The following PIK3C2G variants were observed in gnomAD, a reference collection of about 807,000 sequenced individuals.
PIK3C2G encodes phosphatidylinositol 3-kinase C2 domain-containing subunit gamma.
A neutral mutation model predicts 181.1 loss-of-function variants in PIK3C2G; 168 were observed. The observed-to-expected ratio is 0.93, with a 90% CI of 0.82 to 1.05. The LOEUF (loss-of-function observed/expected upper bound fraction) is 1.05, where lower values mean the gene tolerates loss of function less well. PIK3C2G is among the 50% of genes least tolerant of loss of function. The pLI, the probability that PIK3C2G is intolerant of heterozygous loss-of-function variation, is 0.00. For synonymous variants in PIK3C2G, 573 were observed against 592.2 expected, an observed-to-expected ratio of 0.97 and a Z score of 0.47; for missense variants, 1,869 against 1,732.8, an observed-to-expected ratio of 1.08 and a Z score of -1.40.
At chr12:18,700,920 G>T in the PIK3C2G span, among the ~76,000 whole-genome samples, 2 of 151,852 alleles carry the variant, frequency 1.3e-5, no homozygotes, top group Non-Finnish European at 2.9e-5. Context: ...GTGTATCTCT[G>T]CATCTTTTGC....
intron 29 of PIK3C2G, among the ~76,000 whole-genome samples, chr12:18,583,177 G>T (rs375964376): frequency 1.8e-4 from 28 of 152,016 alleles, no homozygotes; most frequent in South Asian, 6.2e-4. Flanking sequence ...GTTCAGGCCA[G>T]CAACAAGTCC....
the PIK3C2G span, chr12:18,693,815 A>G: frequency 1.3e-6 from 2 of 1,525,532 alleles, no homozygotes; most frequent in East Asian, 2.3e-5. Context: ...ACCAGGCCGC[A>G]TTGGCAGGAA....
At chr12:18,392,527 TTTCCTAAG>T (rs1186085557) in intron 15 of PIK3C2G, among the ~76,000 whole-genome samples, 10 of 152,162 alleles carry the variant, frequency 6.6e-5, no homozygotes, top group Non-Finnish European at 1.2e-4. Context: ...TGAAAAACTG[TTTCCTAAG>T]TTCTTCACAT....
At chr12:18,487,175 C>T (rs185753226) in intron 18 of PIK3C2G, among the ~76,000 whole-genome samples, 1 of 150,218 alleles carries the variant, frequency 6.7e-6, no homozygotes, top group Admixed American at 6.7e-5. Flanking sequence ...TTATTTCACA[C>T]AAAATTTGTA....
At chr12:18,543,706 G>A (rs1944284457) in intron 25 of PIK3C2G, among the ~76,000 whole-genome samples, 1 of 151,800 alleles carries the variant, frequency 6.6e-6, no homozygotes, top group African/African-American at 2.4e-5. Context: ...TCATAATTGT[G>A]CGGCCTTATT....
chr12:18,422,998 T>A (rs1459778382), intron 17 of PIK3C2G, among the ~76,000 whole-genome samples: 4 of 152,032 alleles, frequency 2.6e-5, no homozygotes, highest in Non-Finnish European at 5.9e-5. Flanking sequence ...TAGGAATTTA[T>A]AAACTTTCCC....
intron 15 of PIK3C2G, among the ~76,000 whole-genome samples, chr12:18,395,263 G>A (rs1204028649): frequency 2.0e-5 from 3 of 149,122 alleles, no homozygotes; most frequent in African/African-American, 7.4e-5. Context: ...TCCATATAGA[G>A]AAACAACTAT....
intron 12 of PIK3C2G, among the ~76,000 whole-genome samples, chr12:18,366,693 A>G (rs183796942): frequency 4.6e-5 from 7 of 152,186 alleles, no homozygotes; most frequent in Middle Eastern, 6.8e-3. Context: ...AGTGAGGCAA[A>G]CATGTGGTTA....
chr12:18,362,891 G>A lies in PIK3C2G; in HGVS notation c.1748+5G>A, dbSNP rs1325517743. The A allele has an allele frequency of 2.0e-6, 3 of 1,491,114 alleles. No homozygotes were observed. The highest frequency in any genetic ancestry group is 1.4e-5 in the African/African-American group (1 of 70,526). 92.4% of individuals were successfully genotyped at this position (1,491,114 alleles called of 1,614,324 possible). On this transcript the variant is annotated splice_donor_5th_base_variant and intron_variant, in intron 12 of 32. Transcript: ENST00000538779. ...CTTGGTCAACTGGAATGAAACGTAA[G>A]TTTAATCTTTACTGTATCTGGATCA...
chr12:18,720,387 G>C, the PIK3C2G span, among the ~76,000 whole-genome samples: 2 of 151,376 alleles, frequency 1.3e-5, no homozygotes, highest in Admixed American at 1.3e-4. Flanking sequence ...CCTAGGAATG[G>C]AATTTCTGGG....
chr12:18,641,183 CA>C (rs1949820667), intron 32 of PIK3C2G, among the ~76,000 whole-genome samples: 1 of 152,070 alleles, frequency 6.6e-6, no homozygotes, highest in Non-Finnish European at 1.5e-5. Context: ...AAAACAAAAA[CA>C]AAAACTCCCC....
intron 25 of PIK3C2G, among the ~76,000 whole-genome samples, chr12:18,539,667 T>C (rs1042615202): frequency 6.6e-6 from 1 of 152,046 alleles, no homozygotes; most frequent in South Asian, 2.1e-4. Flanking sequence ...CATTGGTTAG[T>C]ACAGAACAAA....
chr12:18,648,012 G>A lies in PIK3C2G; in HGVS notation c.4445G>A (p.Gly1482Glu), dbSNP rs1308410556. ...GATAAAGAAAAATGGTATCCATTAG[G>A]AAACAGTATAATTTGACCATTGCTA... ...PLDKEKWYPL[G>E]NSII Residue 1482 changes from glycine to glutamate, a missense_variant, in exon 33 of 33, where the codon GGA becomes GAA. Physicochemically the swap from Gly to Glu is moderately conservative, Grantham distance 98. Transcript: ENST00000538779. 1 of 1,593,956 alleles carries A rather than the reference G, an allele frequency of 6.3e-7. No homozygotes were observed. The highest frequency in any genetic ancestry group is 8.6e-7 in the Non-Finnish European group (1 of 1,169,506).
At chr12:18,389,100 C>G (rs1215536567) in intron 14 of PIK3C2G, among the ~76,000 whole-genome samples, 1 of 152,156 alleles carries the variant, frequency 6.6e-6, no homozygotes, top group Non-Finnish European at 1.5e-5. Flanking sequence ...CGCCTGTAAT[C>G]CAAGCACTTT....
In PIK3C2G at chr12:18,444,481, A is replaced by G. The variant is rs527736946; in HGVS notation, c.2504+20442A>G. Among the ~76,000 whole-genome samples the G allele has an allele frequency of 2.6e-5, 4 of 152,254 alleles. No homozygotes were observed. The South Asian group carries it at 8.3e-4, about 32-fold the overall frequency. On this transcript the variant is annotated intron_variant, in intron 18 of 32. Coordinates refer to ENST00000538779, the MANE Select transcript of PIK3C2G (RefSeq NM_001288772.2). ...GAGCTGCAAAATCAGGCAGACCACA[A>G]ACTTAATGGTGGTTTTGACCTTTCC...
the PIK3C2G span, among the ~76,000 whole-genome samples, chr12:18,715,180 G>GC: frequency 2.5e-4 from 4 of 15,872 alleles, 1 homozygote; most frequent in Non-Finnish European, 7.9e-4. Context: ...GGGGGGGGGG[G>GC]GGCGGAGGGA....
intron 18 of PIK3C2G, among the ~76,000 whole-genome samples, chr12:18,434,816 CT>C (rs1946359202): frequency 6.6e-6 from 1 of 152,124 alleles, no homozygotes. Flanking sequence ...TATTAATTGG[CT>C]TTCTTTTCAA....
At chr12:18,594,715 C>T (rs1055000218) in intron 30 of PIK3C2G, 146 bp downstream of exon 30, 3 of 441,990 alleles carry the variant, frequency 6.8e-6, no homozygotes, top group East Asian at 3.6e-5. Flanking sequence ...ATTTCCATAG[C>T]GTAAACTTGA....
chr12:18,596,827 C>T (rs1165725070), intron 30 of PIK3C2G, among the ~76,000 whole-genome samples: 1 of 151,952 alleles, frequency 6.6e-6, no homozygotes, highest in Non-Finnish European at 1.5e-5. Flanking sequence ...ATCAATTATC[C>T]ATGGGTTGAA....
Sources: allele counts gnomAD v4.1 joint callset (sites outside exome capture counted in the v4.1 genomes callset), GRCh38; gene constraint gnomAD v4.1.1; transcripts MANE v1.5; gene names NCBI Gene and HGNC (gene_info 2026-07-23, HGNC 2026-07-21).